LRBA: variants seen among roughly 807,000 people sequenced by gnomAD.
The protein encoded by LRBA is lipopolysaccharide-responsive and beige-like anchor protein.
Under a neutral mutation model 330.0 loss-of-function variants are expected in LRBA, and 176 were observed. The observed-to-expected ratio is 0.53, with a 90% CI of 0.47 to 0.60. The LOEUF (loss-of-function observed/expected upper bound fraction) is 0.60. Ranked by LOEUF, LRBA falls within the 20% of genes least tolerant of loss-of-function variation. LRBA has a pLI of 0.00. For synonymous variants in LRBA, 1,230 were observed against 1,193.0 expected (o/e 1.03, Z -0.64); for missense variants, 3,259 against 3,444.8 (o/e 0.95, Z 1.35).
chr4:150,525,859 G>A (rs1479911247), intron 40 of LRBA, among the ~76,000 whole-genome samples: 1 of 151,950 alleles, frequency 6.6e-6, no homozygotes, highest in Non-Finnish European at 1.5e-5. Context: ...ATACAAATAA[G>A]CTCTATTTTA....
chr4:150,905,239 G>A (rs1054050199), intron 13 of LRBA, among the ~76,000 whole-genome samples: 4 of 151,740 alleles, frequency 2.6e-5, no homozygotes, highest in African/African-American at 4.8e-5. Flanking sequence ...TTGAATTAAC[G>A]TGAAATTAAA....
At position 150,300,419 on chromosome 4, in the gene LRBA, G is replaced by A. The variant is rs189447666; in HGVS notation, c.8017+2206C>T. Among the ~76,000 whole-genome samples the A allele has an allele frequency of 2.1e-3, 323 of 152,102 alleles. 1 individual carries two copies. The highest frequency in any genetic ancestry group is 3.6e-3 in the Non-Finnish European group (247 of 67,874). On this transcript the variant is annotated intron_variant, in intron 53 of 56. Coordinates refer to ENST00000651943, the MANE Select transcript of LRBA (RefSeq NM_001364905.1). ...GTCCACCATACTGCAGACAATGAGA[G>A]GGTATAGATGAAGTACGCTATGAAA... is the stretch of plus-strand genomic sequence containing the variant.
intron 44 of LRBA, among the ~76,000 whole-genome samples, chr4:150,439,644 T>C (rs1751562904): frequency 6.6e-6 from 1 of 152,176 alleles, no homozygotes. Flanking sequence ...ATCCACCTCA[T>C]TAAAAGATTC....
intron 43 of LRBA, among the ~76,000 whole-genome samples, chr4:150,470,348 T>C (rs115432617): frequency 4.5e-4 from 69 of 152,308 alleles, no homozygotes; most frequent in African/African-American, 1.5e-3. Flanking sequence ...TCAGTTCTCC[T>C]ACTATATCTG....
intron 42 of LRBA, among the ~76,000 whole-genome samples, chr4:150,484,668 T>C (rs936405133): frequency 3.9e-5 from 6 of 151,926 alleles, no homozygotes; most frequent in African/African-American, 1.2e-4. Flanking sequence ...TTTGACTACA[T>C]GTGCTTCTCT....
In LRBA at chr4:150,286,001, C is replaced by A; in HGVS notation, c.8051G>T (p.Gly2684Val). 6.3e-7 allele frequency: 1 copy of A among 1,590,540 alleles called. No homozygotes were observed. The highest frequency in any genetic ancestry group is 1.8e-5 in the Admixed American group (1 of 56,170). ...ETAAPRAILT[G>V]HDYEVTCAAV... ...AGCACATGTGACCTCATAGTCATGG[C>A]CGGTCAAAATGGCCCGAGGAGCAGC... is the stretch of plus-strand genomic sequence containing the variant. Residue 2684 changes from glycine (G) to valine (V), a missense_variant, in exon 54 of 57, where the codon GGC (glycine) becomes GTC (valine). By Grantham distance (109) the Gly-to-Val change is moderately radical. Transcript: ENST00000651943.
In LRBA at chr4:151,012,451, C is replaced by T. The variant is rs1561131705; in HGVS notation, c.216+1976G>A. Reference sequence around the variant, plus strand: ...TACTACCACAAATTTCTGTTTCTCACTGAAGGCATATGACATTTTAAAAAA... The same window carrying T: ...TACTACCACAAATTTCTGTTTCTCATTGAAGGCATATGACATTTTAAAAAA... On this transcript the variant is annotated intron_variant, in intron 2 of 56. Transcript: ENST00000651943. Among the ~76,000 whole-genome samples, 3 of 152,270 alleles carry T rather than the reference C, an allele frequency of 2.0e-5. No homozygotes were observed. The East Asian group carries it at 5.8e-4, about 29-fold the overall frequency.
chr4:150,628,637 A>G (rs1258212107), intron 37 of LRBA, among the ~76,000 whole-genome samples: 1 of 152,240 alleles, frequency 6.6e-6, no homozygotes, highest in East Asian at 1.9e-4. Context: ...AGGAAAAATC[A>G]TCATTTATAA....
chr4:150,985,324 A>G (rs1037178881), intron 2 of LRBA, among the ~76,000 whole-genome samples: 1 of 151,732 alleles, frequency 6.6e-6, no homozygotes, highest in Non-Finnish European at 1.5e-5. Context: ...CCCTTCTAAA[A>G]TAAGACCTAT....
intron 40 of LRBA, among the ~76,000 whole-genome samples, chr4:150,534,282 A>G (rs1764378031): frequency 6.7e-6 from 1 of 150,200 alleles, no homozygotes; most frequent in African/African-American, 2.4e-5. Flanking sequence ...AAGACTTTTT[A>G]GTTGTATACA....
intron 36 of LRBA, among the ~76,000 whole-genome samples, chr4:150,689,112 C>A: frequency 6.6e-6 from 1 of 152,254 alleles, no homozygotes; most frequent in South Asian, 2.1e-4. Context: ...ATATACTCCA[C>A]GGAATACTGT....
rs1311058580 is a variant in LRBA, at chr4:150,265,051, T to G, written c.*671A>C. Reference sequence around the variant, plus strand: ...TTTCCATCATTTCGTTTTGTTGTGCTATGAAGATGACAGATCAGGAAAAAA... The same window carrying G: ...TTTCCATCATTTCGTTTTGTTGTGCGATGAAGATGACAGATCAGGAAAAAA... On this transcript the variant is annotated 3_prime_UTR_variant, in exon 57 of 57. Coordinates refer to ENST00000651943, the MANE Select transcript of LRBA (RefSeq NM_001364905.1). The G allele has an allele frequency of 6.5e-6, 1 of 152,708 alleles. No homozygotes were observed. The highest frequency in any genetic ancestry group is 2.4e-5 in the African/African-American group (1 of 41,460). 9.5% of individuals were successfully genotyped at this position (152,708 alleles called of 1,614,324 possible). A position where few individuals can be genotyped will look rare whatever the true frequency, so the allele number is the denominator to read the frequency against.
At chr4:150,559,728 T>C (rs1313453687) in intron 40 of LRBA, among the ~76,000 whole-genome samples, 2 of 90,254 alleles carry the variant, frequency 2.2e-5, no homozygotes, top group South Asian at 2.5e-4. Context: ...GATTATATAA[T>C]ATATAATATA....
At chr4:150,989,528 G>A (rs565551495) in intron 2 of LRBA, among the ~76,000 whole-genome samples, 3 of 151,998 alleles carry the variant, frequency 2.0e-5, no homozygotes, top group Admixed American at 6.6e-5. Flanking sequence ...TGAGAGAATC[G>A]CTTGAACCCG....
chr4:150,601,524 C>A (rs946991893), intron 37 of LRBA, among the ~76,000 whole-genome samples: 1 of 151,880 alleles, frequency 6.6e-6, no homozygotes, highest in African/African-American at 2.4e-5. Flanking sequence ...TATTTTTATA[C>A]CTTGACACTA....
In LRBA at chr4:150,778,116, A is replaced by G. The variant is rs143038479; in HGVS notation, c.5581-16269T>C. Among the ~76,000 whole-genome samples the G allele has an allele frequency of 1.5e-3, 228 of 152,300 alleles. 3 individuals are homozygous for G. The highest frequency in any genetic ancestry group is 5.1e-3 in the African/African-American group (211 of 41,564). On this transcript the variant is annotated intron_variant, in intron 34 of 56. Coordinates refer to ENST00000651943, the MANE Select transcript of LRBA (RefSeq NM_001364905.1). ...CAGCACTCTCTCAACATCATATCTA[A>G]CACAAACTTAAATAATCACATACCA...
chr4:150,839,547 C>A (rs1042575957), intron 28 of LRBA, among the ~76,000 whole-genome samples: 1 of 152,138 alleles, frequency 6.6e-6, no homozygotes, highest in African/African-American at 2.4e-5. Flanking sequence ...CCATGGAATA[C>A]TATGCAGCCA....
At chr4:150,607,743 G>T (rs1005605444) in intron 37 of LRBA, among the ~76,000 whole-genome samples, 13 of 151,564 alleles carry the variant, frequency 8.6e-5, no homozygotes, top group African/African-American at 3.1e-4. Context: ...CTCTACAAAA[G>T]ATACAAAAAT....
At chr4:150,795,946 C>T (rs1740717831) in intron 34 of LRBA, among the ~76,000 whole-genome samples, 1 of 151,872 alleles carries the variant, frequency 6.6e-6, no homozygotes, top group Admixed American at 6.6e-5. Context: ...GAAATTAACA[C>T]CAACTAATTT....
Sources: gnomAD v4.1 joint callset for allele counts (sites outside exome capture counted in the v4.1 genomes callset) on GRCh38, gnomAD v4.1.1 for gene constraint, MANE v1.5 for transcripts, NCBI Gene and HGNC (gene_info 2026-07-23, HGNC 2026-07-21) for gene names.